SGIP1: variants seen among roughly 807,000 people sequenced by gnomAD.
SGIP1 encodes SH3-containing GRB2-like protein 3-interacting protein 1.
In SGIP1, 38 loss-of-function variants were observed where a neutral mutation model predicts 107.5. The ratio of observed to expected loss-of-function variants is 0.35; its 90% CI spans 0.27 to 0.46. The LOEUF (loss-of-function observed/expected upper bound fraction) is 0.46. Among genes scored for constraint, SGIP1 ranks in the 20% least tolerant of loss-of-function variants. The pLI, the probability that SGIP1 is intolerant of heterozygous loss-of-function variation, is 1.00. For synonymous variants in SGIP1, 365 were observed against 366.1 expected, an observed-to-expected ratio of 1.00 and a Z score of 0.03; for missense variants, 929 against 1,019.5, an observed-to-expected ratio of 0.91 and a Z score of 1.21.
chr1:66,726,235 A>C lies in SGIP1; in HGVS notation c.1743-3029A>C, dbSNP rs184567057. 1.5e-3 allele frequency among the ~76,000 whole-genome samples: 225 copies of C among 152,314 alleles called. 5 individuals are homozygous for C. The South Asian group carries it at 0.039, about 26-fold the overall frequency. On this transcript the variant is annotated intron_variant, in intron 19 of 24. Transcript: ENST00000371037. Reference sequence around the variant, plus strand: ...CCCCTTTCTCCTGCAATGTCTCTCTAGCGCCCTCTACTGACAAAACTAAGC... The same window carrying C: ...CCCCTTTCTCCTGCAATGTCTCTCTCGCGCCCTCTACTGACAAAACTAAGC...
At chr1:66,539,077 T>G (rs1222430454) in intron 1 of SGIP1, among the ~76,000 whole-genome samples, 1 of 152,204 alleles carries the variant, frequency 6.6e-6, no homozygotes, top group African/African-American at 2.4e-5. Flanking sequence ...AAAGTCATGA[T>G]GTAAACTCAC....
At position 66,717,094 on chromosome 1, in the gene SGIP1, A is replaced by C. The variant is rs191589567; in HGVS notation, c.1631-2200A>C. ...TATACAAGCATCATTAAGTGCTTTC[A>C]TAGAGCTTTGCTCATTCTTTGAAAG... On this transcript the variant is annotated intron_variant, in intron 18 of 24. Coordinates refer to ENST00000371037, the MANE Select transcript of SGIP1 (RefSeq NM_032291.4). Among the ~76,000 whole-genome samples, 259 of 152,272 alleles carry C rather than the reference A, an allele frequency of 1.7e-3. 4 individuals are homozygous for C. The South Asian group carries it at 0.029, about 17-fold the overall frequency.
chr1:66,728,228 C>T (rs540418342), intron 19 of SGIP1, among the ~76,000 whole-genome samples: 16 of 152,188 alleles, frequency 1.1e-4, no homozygotes, highest in African/African-American at 3.9e-4. Flanking sequence ...TCATGTTACT[C>T]GAAGAGCTAA....
chr1:66,714,508 C>G (rs1238055045), intron 18 of SGIP1, among the ~76,000 whole-genome samples: 1 of 152,126 alleles, frequency 6.6e-6, no homozygotes, highest in African/African-American at 2.4e-5. Flanking sequence ...TGTGCCCTCA[C>G]CATCTTGTAC....
chr1:66,560,456 G>T (rs2058762007), intron 1 of SGIP1, among the ~76,000 whole-genome samples: 1 of 151,854 alleles, frequency 6.6e-6, no homozygotes, highest in Non-Finnish European at 1.5e-5. Flanking sequence ...TGCCAGCATT[G>T]TACAATGTGT....
At chr1:66,626,520 T>C (rs2072824680) in intron 2 of SGIP1, among the ~76,000 whole-genome samples, 3 of 152,242 alleles carry the variant, frequency 2.0e-5, no homozygotes, top group Admixed American at 6.5e-5. Context: ...CCACAGACAC[T>C]GATAGACTCT....
At chr1:66,589,198 A>ATGTGTGTGTG (rs1557990031) in intron 1 of SGIP1, among the ~76,000 whole-genome samples, 1 of 60,124 alleles carries the variant, frequency 1.7e-5, no homozygotes, top group Non-Finnish European at 3.2e-5. Flanking sequence ...ATATATATAT[A>ATGTGTGTGTG]TATATATATA....
rs2094539291 is a variant in SGIP1 at position 66,745,422 on chromosome 1, C to A, written c.*2327C>A. Reference sequence around the variant, plus strand: ...TCAGAAAAGAGATCAAATAATAACACAATAAGCTGGTATCAGGGATTTGCA... The same window carrying A: ...TCAGAAAAGAGATCAAATAATAACAAAATAAGCTGGTATCAGGGATTTGCA... On this transcript the variant is annotated 3_prime_UTR_variant, in exon 25 of 25. Coordinates refer to ENST00000371037, the MANE Select transcript of SGIP1 (RefSeq NM_032291.4). 6.6e-6 allele frequency: 1 copy of A among 151,930 alleles called. No homozygotes were observed. Among genetic ancestry groups the A allele is most frequent in the Non-Finnish European group, 1.5e-5 (1 of 67,878 alleles). The allele number at this position is 151,930 out of a possible 1,614,324, so 9.4% of individuals were successfully genotyped here.
In SGIP1 at chr1:66,653,819, T is replaced by A. The variant is rs371767898; in HGVS notation, c.460-6694T>A. Among the ~76,000 whole-genome samples the A allele has an allele frequency of 7.9e-5, 12 of 152,236 alleles. No individual in the cohort carries two copies. The East Asian group carries it at 1.3e-3, about 17-fold the overall frequency. On this transcript the variant is annotated intron_variant, in intron 7 of 24. Transcript: ENST00000371037. ...TATACCTTTAAGGTCTGCCTTGATG[T>A]TAAATGTTAGTAGCATTTAGAATTT...
At chr1:66,735,194 GTTATT>G (rs199562593) in intron 21 of SGIP1, among the ~76,000 whole-genome samples, 111 of 151,236 alleles carry the variant, frequency 7.3e-4, no homozygotes, top group African/African-American at 2.5e-3. Context: ...TTATTTTTAT[GTTATT>G]TTATTTTATT....
At chr1:66,626,963 A>G (rs969455191) in intron 2 of SGIP1, among the ~76,000 whole-genome samples, 2 of 152,212 alleles carry the variant, frequency 1.3e-5, no homozygotes, top group Non-Finnish European at 2.9e-5. Context: ...ATTTTGTCAC[A>G]AGATCCTGAG....
At chr1:66,659,396 G>T (rs1434028823) in intron 7 of SGIP1, among the ~76,000 whole-genome samples, 1 of 152,176 alleles carries the variant, frequency 6.6e-6, no homozygotes, top group East Asian at 1.9e-4. Context: ...TTAAGGATGG[G>T]ATCAAAGAAG....
intron 2 of SGIP1, among the ~76,000 whole-genome samples, chr1:66,632,141 G>A (rs575384579): frequency 8.5e-5 from 13 of 152,244 alleles, no homozygotes; most frequent in African/African-American, 2.9e-4. Flanking sequence ...CATGTGTCAG[G>A]AACTATTGTA....
intron 1 of SGIP1, among the ~76,000 whole-genome samples, chr1:66,613,474 C>A (rs981054984): frequency 6.6e-6 from 1 of 152,108 alleles, no homozygotes; most frequent in African/African-American, 2.4e-5. Context: ...GGGTTACAGG[C>A]GCATACCACT....
intron 1 of SGIP1, among the ~76,000 whole-genome samples, chr1:66,549,589 G>T (rs12048885): frequency 0.17 from 25,635 of 152,096 alleles, 2,420 homozygotes; most frequent in East Asian, 0.37. Context: ...AATTGCTCAT[G>T]TTATCCTTAT....
chr1:66,619,474 G>T (rs2070369954), intron 1 of SGIP1, among the ~76,000 whole-genome samples: 1 of 152,212 alleles, frequency 6.6e-6, no homozygotes, highest in Non-Finnish European at 1.5e-5. Context: ...GTTTGTACCT[G>T]CCCCACCTCT....
rs190976184 is a variant in SGIP1, at chr1:66,557,279, G to C, written c.10+22911G>C. 1.5e-3 allele frequency among the ~76,000 whole-genome samples: 230 copies of C among 152,200 alleles called. 1 individual carries two copies. The highest frequency in any genetic ancestry group is 5.5e-3 in the African/African-American group (227 of 41,544). ...TTTGTACAAATGATTGTGACATAAG[G>C]CTTTTGGAATTTTCCCATTCCATAC... On this transcript the variant is annotated intron_variant, in intron 1 of 24. Coordinates refer to ENST00000371037, the MANE Select transcript of SGIP1 (RefSeq NM_032291.4).
At chr1:66,568,919 C>T (rs547304457) in intron 1 of SGIP1, among the ~76,000 whole-genome samples, 1 of 151,922 alleles carries the variant, frequency 6.6e-6, no homozygotes, top group Admixed American at 6.6e-5. Context: ...GCTGCTACCC[C>T]ATATAGCACA....
chr1:66,669,911 A>T (rs1312849384), intron 9 of SGIP1, among the ~76,000 whole-genome samples: 1 of 152,206 alleles, frequency 6.6e-6, no homozygotes, highest in East Asian at 1.9e-4. Context: ...AGAGGTGCTA[A>T]ACCTTGTCCT....
Sources: gnomAD v4.1 joint callset for allele counts (sites outside exome capture counted in the v4.1 genomes callset) on GRCh38, gnomAD v4.1.1 for gene constraint, MANE v1.5 for transcripts, NCBI Gene and HGNC (gene_info 2026-07-23, HGNC 2026-07-21) for gene names.